Variants in DCAF8L2 observed in about 807,000 individuals in gnomAD.
The protein encoded by DCAF8L2 is DDB1 and CUL4 associated factor 8 like 2.
For missense variants in DCAF8L2, 430 were observed against 490.7 expected, an observed-to-expected ratio of 0.88 and a Z score of 1.17; for synonymous variants, 200 against 190.9, an observed-to-expected ratio of 1.05 and a Z score of -0.39.
intron 1 of DCAF8L2, among the ~76,000 whole-genome samples, chrX:27,596,330 A>G (rs749739831): frequency 9.0e-6 from 1 of 111,584 alleles, no homozygotes; most frequent in Non-Finnish European, 1.9e-5. Flanking sequence ...AGAAATTCGT[A>G]TCCCTTAACT....
At chrX:27,478,886 T>C in the DCAF8L2 span, among the ~76,000 whole-genome samples, 1 of 112,070 alleles carries the variant, frequency 8.9e-6, no homozygotes, top group Non-Finnish European at 1.9e-5. Context: ...CTCATCACTG[T>C]GATAAGAGCC....
the DCAF8L2 span, among the ~76,000 whole-genome samples, chrX:27,567,583 A>ATATATATATG: frequency 7.5e-5 from 7 of 93,190 alleles, no homozygotes; most frequent in African/African-American, 2.4e-4. Flanking sequence ...ATATATATAT[A>ATATATATATG]TATGAAAACA....
intron 2 of DCAF8L2, among the ~76,000 whole-genome samples, chrX:27,645,882 C>T (rs1928919105): frequency 1.8e-5 from 2 of 110,943 alleles, no homozygotes; most frequent in African/African-American, 3.3e-5. Flanking sequence ...CTCTTCAAGG[C>T]GAACTACAAA....
rs184776478 is a variant in DCAF8L2 at position 27,722,489 on chromosome X, T to A, written c.-59+6318T>A. ...ATATTATTCTATAATTAAGAATGTA[T>A]AATTCACATTCAGTAGAAAGCATAC... On this transcript the variant is annotated intron_variant, in intron 4 of 4. Coordinates refer to ENST00000451261, the MANE Select transcript of DCAF8L2 (RefSeq NM_001353450.2). 4.5e-5 allele frequency among the ~76,000 whole-genome samples: 5 copies of A among 111,801 alleles called. No homozygotes were observed. In the East Asian group the frequency reaches 1.4e-3, roughly 31 times the overall value.
At chrX:27,522,577 T>G in the DCAF8L2 span, among the ~76,000 whole-genome samples, 6 of 111,659 alleles carry the variant, frequency 5.4e-5, no homozygotes, top group Non-Finnish European at 7.5e-5. Flanking sequence ...TAAACTGGAT[T>G]TTAATAGCCA....
chrX:27,663,201 A>G (rs555227784), intron 2 of DCAF8L2, among the ~76,000 whole-genome samples: 1 of 112,399 alleles, frequency 8.9e-6, no homozygotes, highest in East Asian at 2.8e-4. Flanking sequence ...GCAATTAAAG[A>G]AAATATAACA....
intron 1 of DCAF8L2, among the ~76,000 whole-genome samples, chrX:27,607,639 C>T (rs5926839): frequency 0.43 from 47,626 of 110,723 alleles, 8,473 homozygotes; most frequent in African/African-American, 0.67. Flanking sequence ...TCTTGCTGCA[C>T]GCAAACCATG....
the DCAF8L2 span, among the ~76,000 whole-genome samples, chrX:27,571,433 A>G: frequency 9.0e-6 from 1 of 111,707 alleles, no homozygotes; most frequent in Non-Finnish European, 1.9e-5. Flanking sequence ...AATCAGTGCT[A>G]GAGTTCTGAA....
intron 1 of DCAF8L2, among the ~76,000 whole-genome samples, chrX:27,615,524 A>AATCAATCTATCTATCT (rs1555919234): frequency 9.6e-6 from 1 of 104,430 alleles, no homozygotes; most frequent in African/African-American, 3.6e-5. Flanking sequence ...AGATTCTATC[A>AATCAATCTATCTATCT]ATCTATCTAT....
the DCAF8L2 span, among the ~76,000 whole-genome samples, chrX:27,512,655 G>T: frequency 9.7e-6 from 1 of 102,735 alleles, no homozygotes; most frequent in East Asian, 3.0e-4. Context: ...CTGCACTCCA[G>T]CCTGGGCAAC....
the DCAF8L2 span, among the ~76,000 whole-genome samples, chrX:27,556,755 T>C: frequency 2.7e-5 from 3 of 112,213 alleles, no homozygotes; most frequent in Non-Finnish European, 3.8e-5. Context: ...AGCTGAATGC[T>C]AATGCAGCCA....
At chrX:27,706,295 C>T (rs760516775) in intron 3 of DCAF8L2, among the ~76,000 whole-genome samples, 13 of 110,379 alleles carry the variant, frequency 1.2e-4, no homozygotes, top group Admixed American at 8.8e-4. Context: ...GCTATTTGGG[C>T]TCCTTTTTTC....
chrX:27,660,321 G>C (rs1405551880), intron 2 of DCAF8L2, among the ~76,000 whole-genome samples: 1 of 112,095 alleles, frequency 8.9e-6, no homozygotes, highest in Non-Finnish European at 1.9e-5. Context: ...ACCATGCCCA[G>C]CTTATCCCTA....
At chrX:27,496,066 T>TA in the DCAF8L2 span, among the ~76,000 whole-genome samples, 2 of 111,566 alleles carry the variant, frequency 1.8e-5, no homozygotes, top group Non-Finnish European at 3.8e-5. Flanking sequence ...TCCATTTACT[T>TA]ATATCATCTT....
At chrX:27,504,329 C>G in the DCAF8L2 span, among the ~76,000 whole-genome samples, 1 of 111,608 alleles carries the variant, frequency 9.0e-6, no homozygotes, top group East Asian at 2.8e-4. Context: ...TTAGGCATAT[C>G]TCCTAACTCC....
intron 4 of DCAF8L2, among the ~76,000 whole-genome samples, chrX:27,729,771 T>TACCATC (rs1318752875): frequency 8.9e-6 from 1 of 112,029 alleles, no homozygotes; most frequent in Non-Finnish European, 1.9e-5. Context: ...TACCTCCTAA[T>TACCATC]ACCATCACCT....
chrX:27,592,838 GC>G (rs1050678504), intron 1 of DCAF8L2, among the ~76,000 whole-genome samples: 3 of 103,387 alleles, frequency 2.9e-5, no homozygotes, highest in African/African-American at 1.1e-4. Context: ...TCACTCTGTT[GC>G]CCAGGCTGGG....
rs746014159 is a variant in DCAF8L2 at position 27,748,858 on chromosome X, A to G, written c.*67A>G. The G allele has an allele frequency of 3.5e-3, 3,799 of 1,091,238 alleles. 7 individuals carry two copies. The highest frequency in any genetic ancestry group is 4.3e-3 in the Non-Finnish European group (3,596 of 827,973). The allele number at this position is 1,091,238 out of a possible 1,213,427, so 89.9% of individuals were successfully genotyped here. On this transcript the variant is annotated 3_prime_UTR_variant, in exon 5 of 5. Coordinates refer to ENST00000451261, the MANE Select transcript of DCAF8L2 (RefSeq NM_001353450.2). ...TGGACTTTAAAATTCAGTTTGACTA[A>G]TTTAGAATTGTCAATAGATTAATAG... is the stretch of plus-strand genomic sequence containing the variant.
intron 1 of DCAF8L2, among the ~76,000 whole-genome samples, chrX:27,613,235 G>C (rs1434561801): frequency 9.0e-6 from 1 of 111,352 alleles, no homozygotes; most frequent in African/African-American, 3.3e-5. Flanking sequence ...GTTCACTCAT[G>C]ATTTGGCTCT....
Sources: gnomAD v4.1 joint callset for allele counts (sites outside exome capture counted in the v4.1 genomes callset) on GRCh38, gnomAD v4.1.1 for gene constraint, MANE v1.5 for transcripts, NCBI Gene and HGNC (gene_info 2026-07-23, HGNC 2026-07-21) for gene names.